The following ENTPD6 variants were observed in gnomAD, a reference collection of about 807,000 sequenced individuals.
ENTPD6 encodes the protein CD39 antigen-like 2.
Under a neutral mutation model 61.5 loss-of-function variants are expected in ENTPD6, and 46 were observed. That is an observed-to-expected ratio of 0.75 (90% CI 0.59 to 0.96). The LOEUF (loss-of-function observed/expected upper bound fraction) is 0.96, where lower values mean the gene tolerates loss of function less well. Among genes scored for constraint, ENTPD6 ranks in the 40% least tolerant of loss-of-function variants. ENTPD6 has a pLI of 0.00. For synonymous variants in ENTPD6, 252 were observed against 255.5 expected (o/e 0.99, Z 0.13); for missense variants, 612 against 629.0 (o/e 0.97, Z 0.29).
In ENTPD6 at chr20:25,209,843, C is replaced by G. The variant is rs1432861780; in HGVS notation, c.377-6C>G. ...TTGTACCCTTTTCAACATGTTTTCC[C>G]CTTAGAAACTCCCACGTTAACCCAC... On this transcript the variant is annotated splice_region_variant and splice_polypyrimidine_tract_variant and intron_variant, in intron 3 of 14. Transcript: ENST00000376652. 1.2e-6 allele frequency: 2 copies of G among 1,612,778 alleles called. No homozygotes were observed. Among genetic ancestry groups the G allele is most frequent in the Admixed American group, 3.3e-5 (2 of 60,026 alleles).
At chr20:25,206,849 G>A (rs968166082) in intron 2 of ENTPD6, among the ~76,000 whole-genome samples, 2 of 152,302 alleles carry the variant, frequency 1.3e-5, no homozygotes, top group South Asian at 2.1e-4. Flanking sequence ...CAATGTGTGC[G>A]ACCTTGAGCA....
In ENTPD6 at chr20:25,225,840, G is replaced by A; in HGVS notation, c.*243G>A. ...TGCCACCTGTCTGCCTGGGCTCCAA[G>A]TGGGCAGGACCAGGACAGAACCACA... is the stretch of plus-strand genomic sequence containing the variant. On this transcript the variant is annotated 3_prime_UTR_variant, in exon 15 of 15. Transcript: ENST00000376652. 2.0e-6 allele frequency: 1 copy of A among 501,192 alleles called. No homozygotes were observed. The highest frequency in any genetic ancestry group is 3.6e-6 in the Non-Finnish European group (1 of 280,876). The allele number at this position is 501,192 out of a possible 1,614,324, so 31.0% of individuals were successfully genotyped here. A position where few individuals can be genotyped will look rare whatever the true frequency, so the allele number is the denominator to read the frequency against.
chr20:25,216,244 C>T (rs1035497595), intron 7 of ENTPD6, among the ~76,000 whole-genome samples: 3 of 152,096 alleles, frequency 2.0e-5, no homozygotes, highest in Non-Finnish European at 1.5e-5. Flanking sequence ...AAGAAGTTTC[C>T]TGTCAGGTTT....
chr20:25,196,461 G>C (rs1464377847), intron 1 of ENTPD6, among the ~76,000 whole-genome samples: 3 of 152,212 alleles, frequency 2.0e-5, no homozygotes, highest in Admixed American at 1.3e-4. Context: ...AGCCAGGAGA[G>C]CGTGGAAGAG....
Position 25,216,756 on chromosome 20 carries a change from A to G in ENTPD6, c.798+20A>G, listed in dbSNP as rs374082554. ...GTGGAGGTAACAAGCCCTGCCGACC[A>G]CAGCGCTCTTTCCACCCCGAGGCCA... On this transcript the variant is annotated intron_variant, in intron 8 of 14. Coordinates refer to ENST00000376652, the MANE Select transcript of ENTPD6 (RefSeq NM_001247.5). The G allele has an allele frequency of 1.8e-5, 26 of 1,462,846 alleles. No homozygotes were observed. Among genetic ancestry groups the G allele is most frequent in the African/African-American group, 1.7e-4 (12 of 70,306 alleles). 90.6% of individuals were successfully genotyped at this position (1,462,846 alleles called of 1,614,324 possible). A position where few individuals can be genotyped will look rare whatever the true frequency, so the allele number is the denominator to read the frequency against.
chr20:25,221,662 G>C (rs2092637524), intron 11 of ENTPD6: 1 of 403,710 alleles, frequency 2.5e-6, no homozygotes, highest in African/African-American at 2.1e-5. Flanking sequence ...GGGAGCCCAG[G>C]CACTCTGTGC....
chr20:25,197,130 T>C (rs1180651957), intron 1 of ENTPD6: 1 of 985,342 alleles, frequency 1.0e-6, no homozygotes, highest in Non-Finnish European at 1.2e-6. Context: ...TTTGCATTCA[T>C]GACCCTTCCG....
At chr20:25,211,084 A>T (rs142990089) in intron 4 of ENTPD6, among the ~76,000 whole-genome samples, 1 of 152,384 alleles carries the variant, frequency 6.6e-6, no homozygotes, top group African/African-American at 2.4e-5. Flanking sequence ...GCACTAATAC[A>T]GGATGCCTGG....
intron 12 of ENTPD6, among the ~76,000 whole-genome samples, chr20:25,223,275 C>T (rs775673209): frequency 3.9e-5 from 6 of 152,192 alleles, no homozygotes; most frequent in Non-Finnish European, 7.3e-5. Context: ...CCACTCTGCC[C>T]TACCCTGCAG....
chr20:25,210,680 G>A (rs1173095104), intron 4 of ENTPD6, among the ~76,000 whole-genome samples: 1 of 151,882 alleles, frequency 6.6e-6, no homozygotes, highest in Non-Finnish European at 1.5e-5. Flanking sequence ...AGTGGCTCAC[G>A]CCTGTAATCC....
chr20:25,226,814 G>C lies in ENTPD6; in HGVS notation c.*1217G>C, dbSNP rs1190002994. On this transcript the variant is annotated 3_prime_UTR_variant, in exon 15 of 15. Coordinates refer to ENST00000376652, the MANE Select transcript of ENTPD6 (RefSeq NM_001247.5). ...CTAAACCTTAGAAAAGCTGCCAAAG[G>C]GGGTGGCGTATTTCCAGTCCTGTCG... 3.9e-5 allele frequency: 6 copies of C among 152,392 alleles called. No individual in the cohort carries two copies. The highest frequency in any genetic ancestry group is 7.3e-5 in the Non-Finnish European group (5 of 68,060). 9.4% of individuals were successfully genotyped at this position (152,392 alleles called of 1,614,324 possible).
chr20:25,219,106 T>C (rs2092509158), intron 10 of ENTPD6, among the ~76,000 whole-genome samples: 1 of 152,204 alleles, frequency 6.6e-6, no homozygotes, highest in Non-Finnish European at 1.5e-5. Flanking sequence ...GGTCTCGAAA[T>C]CCTACCTTCA....
chr20:25,223,043 G>C, intron 12 of ENTPD6, 65 bp downstream of exon 12: 2 of 1,544,090 alleles, frequency 1.3e-6, no homozygotes, highest in Non-Finnish European at 1.8e-6. Context: ...TGGAGGGCGT[G>C]TGCTCCCCGA....
At chr20:25,208,396 A>G (rs200796405) in intron 3 of ENTPD6, among the ~76,000 whole-genome samples, 1 of 152,210 alleles carries the variant, frequency 6.6e-6, no homozygotes, top group East Asian at 1.9e-4. Flanking sequence ...CAGTGAGCCA[A>G]GATCACACCA....
intron 1 of ENTPD6, among the ~76,000 whole-genome samples, chr20:25,199,622 C>G (rs993868693): frequency 6.6e-6 from 1 of 152,332 alleles, no homozygotes; most frequent in Non-Finnish European, 1.5e-5. Context: ...CTGACTGAAA[C>G]TCTTTACCCA....
Position 25,226,812 on chromosome 20 carries a change from AG to A in ENTPD6, c.*1220del, listed in dbSNP as rs2092803996. On this transcript the variant is annotated 3_prime_UTR_variant, in exon 15 of 15. Coordinates refer to ENST00000376652, the MANE Select transcript of ENTPD6 (RefSeq NM_001247.5). ...TACTAAACCTTAGAAAAGCTGCCAA[AG>A]GGGGTGGCGTATTTCCAGTCCTGTC... 6.6e-6 allele frequency: 1 copy of A among 152,256 alleles called. No homozygotes were observed. The highest frequency in any genetic ancestry group is 1.5e-5 in the Non-Finnish European group (1 of 68,064). The allele number at this position is 152,256 out of a possible 1,614,324, so 9.4% of individuals were successfully genotyped here.
chr20:25,219,562 T>C (rs1487063794), intron 10 of ENTPD6, among the ~76,000 whole-genome samples: 1 of 152,220 alleles, frequency 6.6e-6, no homozygotes, highest in Non-Finnish European at 1.5e-5. Context: ...GATCTCAGGA[T>C]TGCCATGGTC....
Position 25,207,119 on chromosome 20 carries a change from C to A in ENTPD6, c.98C>A (p.Ser33Tyr), listed in dbSNP as rs1342221402. The A allele has an allele frequency of 6.2e-7, 1 of 1,613,406 alleles. No homozygotes were observed. Among genetic ancestry groups the A allele is most frequent in the African/African-American group, 1.3e-5 (1 of 74,896 alleles). The change falls in exon 3 of 15, where the codon TCC becomes TAC. Residue 33 changes from serine (S) to tyrosine (Y), a missense_variant. Ser to Tyr is a moderately radical substitution (Grantham distance 144). Coordinates refer to ENST00000376652, the MANE Select transcript of ENTPD6 (RefSeq NM_001247.5). ...GPWQTRMRKI[S>Y]NHGSLRVAKV... ...TGGCAAACAAGGATGAGAAAAATAT[C>A]CAACCACGGGAGCCTGCGGGTGGCG... is the stretch of plus-strand genomic sequence containing the variant.
At chr20:25,210,710 C>G (rs6037059) in intron 4 of ENTPD6, among the ~76,000 whole-genome samples, 83,175 of 152,082 alleles carry the variant, frequency 0.55, 23,765 homozygotes, top group East Asian at 0.92. Flanking sequence ...GGGAGGCTGA[C>G]GCGGGTGGAT....
Sources: allele counts gnomAD v4.1 joint callset (sites outside exome capture counted in the v4.1 genomes callset), GRCh38; gene constraint gnomAD v4.1.1; transcripts MANE v1.5; gene names NCBI Gene and HGNC (gene_info 2026-07-23, HGNC 2026-07-21).